Variants in RNF138 observed in about 807,000 individuals in gnomAD.
RNF138 encodes E3 ubiquitin-protein ligase RNF138.
RNF138 carries 12 observed loss-of-function variants against 31.0 expected under a neutral mutation model. The ratio of observed to expected loss-of-function variants is 0.39; its 90% CI spans 0.25 to 0.63. The LOEUF is 0.63. RNF138 is among the 20% of genes least tolerant of loss of function. The pLI is 0.52. For synonymous variants in RNF138, 105 were observed against 99.5 expected, an observed-to-expected ratio of 1.06 and a Z score of -0.33; for missense variants, 192 against 300.1, an observed-to-expected ratio of 0.64 and a Z score of 2.66.
In RNF138 at chr18:32,114,236, A is replaced by G. The variant is rs374052423; in HGVS notation, c.392+376A>G. ...AACTACAACCTGTTTTTTCTTTGCT[A>G]TCTAAGGGATAGACTTAGAGTTTGA... is the stretch of plus-strand genomic sequence containing the variant. On this transcript the variant is annotated intron_variant, in intron 4 of 7. Coordinates refer to ENST00000261593, the MANE Select transcript of RNF138 (RefSeq NM_016271.5). 2.0e-5 allele frequency among the ~76,000 whole-genome samples: 3 copies of G among 152,126 alleles called. No individual in the cohort carries two copies. The East Asian group carries it at 5.8e-4, about 29-fold the overall frequency.
chr18:32,098,591 G>A (rs951089236), intron 2 of RNF138, among the ~76,000 whole-genome samples: 14 of 151,922 alleles, frequency 9.2e-5, no homozygotes, highest in African/African-American at 3.4e-4. Context: ...AGTGGCTCAC[G>A]CCTGTCATCC....
At chr18:32,119,272 A>G (rs950133985) in intron 4 of RNF138, among the ~76,000 whole-genome samples, 1 of 151,952 alleles carries the variant, frequency 6.6e-6, no homozygotes, top group African/African-American at 2.4e-5. Flanking sequence ...TCATTTTACT[A>G]TTTATTTTAT....
At chr18:32,116,060 C>A (rs959436226) in intron 4 of RNF138, among the ~76,000 whole-genome samples, 1 of 152,022 alleles carries the variant, frequency 6.6e-6, no homozygotes, top group East Asian at 1.9e-4. Context: ...GTATGAGAGG[C>A]GATGATGATG....
intron 6 of RNF138, among the ~76,000 whole-genome samples, chr18:32,125,907 T>C: frequency 6.6e-6 from 1 of 152,240 alleles, no homozygotes; most frequent in East Asian, 1.9e-4. Context: ...ACAAATACAG[T>C]GCCAAAGATG....
At chr18:32,127,788 T>C (rs939942917) in intron 7 of RNF138, among the ~76,000 whole-genome samples, 1 of 152,210 alleles carries the variant, frequency 6.6e-6, no homozygotes, top group African/African-American at 2.4e-5. Context: ...CATAGAAAAG[T>C]AGGTAATCTA....
Position 32,092,710 on chromosome 18 carries a change from C to G in RNF138, c.-67C>G, listed in dbSNP as rs1440452103. The G allele has an allele frequency of 2.0e-6, 2 of 987,094 alleles. No individual in the cohort carries two copies. Among genetic ancestry groups the G allele is most frequent in the Non-Finnish European group, 3.1e-6 (2 of 647,004 alleles). 61.1% of individuals were successfully genotyped at this position (987,094 alleles called of 1,614,324 possible). ...TCCGGGTTCATGTAGGGAGTCGGGC[C>G]CCGGGCCGCCACCGTCACCTCGGCC... is the stretch of plus-strand genomic sequence containing the variant. On this transcript the variant is annotated 5_prime_UTR_variant, in exon 2 of 8. Coordinates refer to ENST00000261593, the MANE Select transcript of RNF138 (RefSeq NM_016271.5).
intron 2 of RNF138, among the ~76,000 whole-genome samples, chr18:32,102,326 C>T (rs1403969761): frequency 2.7e-5 from 4 of 149,710 alleles, no homozygotes; most frequent in African/African-American, 4.9e-5. Context: ...CTCAGCCTCC[C>T]GAGTAGCTGG....
chr18:32,096,600 G>C (rs556550700), intron 2 of RNF138, among the ~76,000 whole-genome samples: 1 of 152,168 alleles, frequency 6.6e-6, no homozygotes, highest in African/African-American at 2.4e-5. Flanking sequence ...GACAAGGAAC[G>C]AACAGAAGGA....
intron 2 of RNF138, among the ~76,000 whole-genome samples, chr18:32,096,438 C>G (rs992740566): frequency 6.6e-6 from 1 of 152,070 alleles, no homozygotes; most frequent in Non-Finnish European, 1.5e-5. Flanking sequence ...GTGTGTATAC[C>G]ATATGTAGAT....
rs994293999 is a variant in RNF138 at position 32,129,261 on chromosome 18, T to C, written c.*74T>C. 2.1e-6 allele frequency: 2 copies of C among 943,164 alleles called. No homozygotes were observed. Among genetic ancestry groups the C allele is most frequent in the East Asian group, 2.4e-5 (1 of 41,758 alleles). The allele number at this position is 943,164 out of a possible 1,614,324, so 58.4% of individuals were successfully genotyped here. A position where few individuals can be genotyped will look rare whatever the true frequency, so the allele number is the denominator to read the frequency against. On this transcript the variant is annotated 3_prime_UTR_variant, in exon 8 of 8. Transcript: ENST00000261593. The stretch of plus-strand genomic sequence containing the variant: ...GGGGGAAACTACATGAAGTCACCGT[T>C]ACAGTAACTTGATGTGTATATTAAT...
chr18:32,106,799 C>T (rs972696272), intron 2 of RNF138, among the ~76,000 whole-genome samples: 1 of 151,990 alleles, frequency 6.6e-6, no homozygotes, highest in Non-Finnish European at 1.5e-5. Flanking sequence ...ATTTCCTGAC[C>T]TCGTGATCCG....
Position 32,111,937 on chromosome 18 carries a change from T to A in RNF138, c.276+18T>A. ...CAAAACAGGTAGAGTAAATGTGACA[T>A]CTCTCTTCTTTGGAAGCCAAGTTTC... is the stretch of plus-strand genomic sequence containing the variant. On this transcript the variant is annotated intron_variant, in intron 3 of 7. Transcript: ENST00000261593. 1 of 1,561,378 alleles carries A rather than the reference T, an allele frequency of 6.4e-7. No homozygotes were observed. Among genetic ancestry groups the A allele is most frequent in the Non-Finnish European group, 8.7e-7 (1 of 1,155,966 alleles).
In RNF138 at chr18:32,130,074, G is replaced by GTA. The variant is rs1416901271; in HGVS notation, c.*894_*895dup. The stretch of plus-strand genomic sequence containing the variant: ...TAGAAATTTATTCAAAGCTAAAGAT[G>GTA]TATATATACATATACTTTTGTGTGT... On this transcript the variant is annotated 3_prime_UTR_variant, in exon 8 of 8. Coordinates refer to ENST00000261593, the MANE Select transcript of RNF138 (RefSeq NM_016271.5). 6.6e-6 allele frequency: 1 copy of GTA among 152,386 alleles called. No homozygotes were observed. The highest frequency in any genetic ancestry group is 1.5e-5 in the Non-Finnish European group (1 of 67,888). 9.4% of individuals were successfully genotyped at this position (152,386 alleles called of 1,614,324 possible). A position where few individuals can be genotyped will look rare whatever the true frequency, so the allele number is the denominator to read the frequency against.
intron 2 of RNF138, among the ~76,000 whole-genome samples, chr18:32,103,264 C>T (rs940491370): frequency 1.3e-5 from 2 of 151,908 alleles, no homozygotes; most frequent in East Asian, 1.9e-4. Flanking sequence ...TCATTGTTCA[C>T]TGTAGCTTTG....
At chr18:32,092,937 G>T in intron 2 of RNF138, 51 bp downstream of exon 2, 1 of 1,122,362 alleles carries the variant, frequency 8.9e-7, no homozygotes, top group Non-Finnish European at 1.2e-6. Context: ...GCTTAGGCCC[G>T]GCCTCCGGCC....
chr18:32,113,099 G>T (rs1322287624), intron 3 of RNF138, among the ~76,000 whole-genome samples: 15 of 152,100 alleles, frequency 9.9e-5, no homozygotes, highest in Admixed American at 9.8e-4. Context: ...TTGAGACAGG[G>T]TCTCACTTTG....
chr18:32,096,430 G>A (rs922152784), intron 2 of RNF138, among the ~76,000 whole-genome samples: 6 of 152,170 alleles, frequency 3.9e-5, no homozygotes, highest in African/African-American at 1.2e-4. Context: ...GTAGTTAAGT[G>A]TGTATACCAT....
chr18:32,115,013 G>GT (rs111887117), intron 4 of RNF138, among the ~76,000 whole-genome samples: 25,576 of 151,142 alleles, frequency 0.17, 2,243 homozygotes, highest in South Asian at 0.2. Flanking sequence ...TGCTCTTATA[G>GT]TTTTTTTTTA....
At chr18:32,123,738 C>T (rs569027536) in intron 5 of RNF138, among the ~76,000 whole-genome samples, 164 bp downstream of exon 5, 4 of 150,626 alleles carry the variant, frequency 2.7e-5, no homozygotes, top group East Asian at 2.0e-4. Flanking sequence ...CTGCAACCTG[C>T]GCCTCTCAGG....
Sources: allele counts gnomAD v4.1 joint callset (sites outside exome capture counted in the v4.1 genomes callset), GRCh38; gene constraint gnomAD v4.1.1; transcripts MANE v1.5; gene names NCBI Gene and HGNC (gene_info 2026-07-23, HGNC 2026-07-21).